The following SBNO1 variants were observed in gnomAD, a reference collection of about 807,000 sequenced individuals.
The protein encoded by SBNO1 is strawberry notch homolog 1.
In SBNO1, 23 loss-of-function variants were observed where a neutral mutation model predicts 173.6. The ratio of observed to expected loss-of-function variants is 0.13; its 90% CI spans 0.10 to 0.19. The LOEUF (loss-of-function observed/expected upper bound fraction) is 0.19, where lower values mean the gene tolerates loss of function less well. SBNO1 is among the 10% of genes least tolerant of loss of function. The pLI is 1.00. For synonymous variants in SBNO1, 632 were observed against 571.5 expected (o/e 1.11, Z -1.51); for missense variants, 1,238 against 1,671.2 (o/e 0.74, Z 4.52).
intron 20 of SBNO1, among the ~76,000 whole-genome samples, chr12:123,319,434 T>TA (rs1869701402): frequency 6.6e-6 from 1 of 152,052 alleles, no homozygotes; most frequent in African/African-American, 2.4e-5. Context: ...AAAATTTGTG[T>TA]AATAGCTCTG....
intron 1 of SBNO1, among the ~76,000 whole-genome samples, chr12:123,351,156 GTTA>G (rs1321185086): frequency 6.6e-6 from 1 of 151,916 alleles, no homozygotes; most frequent in African/African-American, 2.4e-5. Context: ...AACCTCTGGA[GTTA>G]ATTCAACAAG....
At chr12:123,359,352 C>G (rs745502114) in intron 1 of SBNO1, among the ~76,000 whole-genome samples, 22 of 151,750 alleles carry the variant, frequency 1.4e-4, no homozygotes, top group Non-Finnish European at 3.2e-4. Context: ...CGAGACCAGC[C>G]TGGCCAACAT....
intron 31 of SBNO1, among the ~76,000 whole-genome samples, chr12:123,297,416 A>AAAAAAAAAAAAAAAAAAAAAAAAAAC (rs1477864784): frequency 6.8e-6 from 1 of 147,016 alleles, no homozygotes; most frequent in Non-Finnish European, 1.5e-5. Flanking sequence ...AAAAAAAAAA[A>AAAAAAAAAAAAAAAAAAAAAAAAAAC]AAAAAATTCC....
chr12:123,305,464 T>C (rs2048889657), intron 28 of SBNO1, among the ~76,000 whole-genome samples: 1 of 152,052 alleles, frequency 6.6e-6, no homozygotes, highest in African/African-American at 2.4e-5. Context: ...GGAATTTAGG[T>C]ATGTATTTTT....
chr12:123,312,215 C>T (rs4759376), intron 24 of SBNO1, among the ~76,000 whole-genome samples: 7,228 of 152,080 alleles, frequency 0.048, 302 homozygotes, highest in East Asian at 0.25. Flanking sequence ...GCTGGGATTA[C>T]GGGCATGAGC....
intron 23 of SBNO1, among the ~76,000 whole-genome samples, chr12:123,314,154 T>G (rs564747414): frequency 1.4e-4 from 22 of 152,192 alleles, no homozygotes; most frequent in African/African-American, 5.3e-4. Context: ...TCAATTATCT[T>G]TATATGTATT....
intron 1 of SBNO1, among the ~76,000 whole-genome samples, chr12:123,353,001 T>C (rs1368563137): frequency 6.6e-6 from 1 of 152,186 alleles, no homozygotes; most frequent in Non-Finnish European, 1.5e-5. Flanking sequence ...TTTCACCGTA[T>C]TGCCCAGGCT....
chr12:123,333,785 A>G (rs1871518082), intron 7 of SBNO1, among the ~76,000 whole-genome samples: 1 of 152,180 alleles, frequency 6.6e-6, no homozygotes, highest in Admixed American at 6.6e-5. Context: ...GACATGAGCC[A>G]CTGTGCCTGG....
intron 21 of SBNO1, among the ~76,000 whole-genome samples, chr12:123,316,509 C>T (rs2138949184): frequency 6.6e-6 from 1 of 152,146 alleles, no homozygotes; most frequent in South Asian, 2.1e-4. Context: ...CAGGCGTGAG[C>T]CGCTGCGCCC....
intron 24 of SBNO1, among the ~76,000 whole-genome samples, chr12:123,312,710 C>T (rs1455995408): frequency 1.4e-5 from 2 of 138,024 alleles, no homozygotes; most frequent in African/African-American, 5.4e-5. Context: ...GACCCCGTCT[C>T]GAAAAAAAAA....
At chr12:123,328,095 A>G in intron 10 of SBNO1, 68 bp from the exon 11 acceptor site, 2 of 1,327,480 alleles carry the variant, frequency 1.5e-6, no homozygotes, top group South Asian at 2.8e-5. Context: ...TTTCAAGAAG[A>G]GTTAACTTTT....
chr12:123,364,534 C>T (rs1875884000), intron 1 of SBNO1, 167 bp downstream of exon 1: 2 of 983,448 alleles, frequency 2.0e-6, no homozygotes, highest in Admixed American at 6.2e-5. Context: ...CCCCGAGGGC[C>T]CCGGAGCGCG....
chr12:123,327,644 C>T, intron 12 of SBNO1, 63 bp downstream of exon 12: 1 of 1,590,590 alleles, frequency 6.3e-7, no homozygotes, highest in Non-Finnish European at 8.6e-7. Flanking sequence ...AGAGAATGGG[C>T]TTTAGGAATA....
chr12:123,320,148 A>G (rs1402238943), intron 19 of SBNO1, 117 bp from the exon 20 acceptor site: 1 of 1,145,962 alleles, frequency 8.7e-7, no homozygotes, highest in Non-Finnish European at 1.2e-6. Context: ...TGCACCACAC[A>G]CTGAAGGATA....
At position 123,317,356 on chromosome 12, in the gene SBNO1, T is replaced by C; in HGVS notation, c.2800A>G (p.Asn934Asp). ...EKQRFMDGDK[N>D]IAIISEAASS... Reference sequence around the variant, plus strand: ...GCAGCTTCTGAGATGATAGCAATATTCTGTGTCAAATATAAGAAAAATAAA... The same window carrying C: ...GCAGCTTCTGAGATGATAGCAATATCCTGTGTCAAATATAAGAAAAATAAA... The change falls in exon 21 of 32, where the codon AAT (asparagine) becomes GAT (aspartate). Residue 934 changes from asparagine to aspartate, a missense_variant and splice_region_variant. By Grantham distance (23) the Asn-to-Asp change is conservative. This residue lies in a region of SBNO1 where 45 missense variants were observed against 85.5 expected (regional missense o/e 0.53). Coordinates refer to ENST00000602398, the MANE Select transcript of SBNO1 (RefSeq NM_001167856.3). 2.5e-6 allele frequency: 4 copies of C among 1,613,948 alleles called. No individual in the cohort carries two copies. Among genetic ancestry groups the C allele is most frequent in the Non-Finnish European group, 3.4e-6 (4 of 1,179,940 alleles).
chr12:123,349,935 A>C (rs1179333043), intron 2 of SBNO1, among the ~76,000 whole-genome samples: 1 of 151,702 alleles, frequency 6.6e-6, no homozygotes, highest in African/African-American at 2.4e-5. Context: ...AAATTAACAC[A>C]TGTATTTAAA....
At chr12:123,330,653 C>G (rs1028634845) in intron 8 of SBNO1, 144 bp from the exon 9 acceptor site, 1 of 595,092 alleles carries the variant, frequency 1.7e-6, no homozygotes, top group East Asian at 2.9e-5. Context: ...AAACACCATC[C>G]CACTGAGTGC....
rs1287578907 is a variant in SBNO1, at chr12:123,294,883, A to C, written c.*1025T>G. On this transcript the variant is annotated 3_prime_UTR_variant, in exon 32 of 32. Coordinates refer to ENST00000602398, the MANE Select transcript of SBNO1 (RefSeq NM_001167856.3). ...AAGTTACTGAGTAACAACAATAACA[A>C]CAATAACAAAAGAACACACAGCAGA... 1 of 152,284 alleles carries C rather than the reference A, an allele frequency of 6.6e-6. No homozygotes were observed. Among genetic ancestry groups the C allele is most frequent in the Admixed American group, 6.5e-5 (1 of 15,272 alleles). 9.4% of individuals were successfully genotyped at this position (152,284 alleles called of 1,614,324 possible). A position where few individuals can be genotyped will look rare whatever the true frequency, so the allele number is the denominator to read the frequency against.
intron 3 of SBNO1, among the ~76,000 whole-genome samples, chr12:123,346,297 C>T (rs575014799): frequency 1.3e-5 from 2 of 152,326 alleles, no homozygotes; most frequent in East Asian, 3.9e-4. Flanking sequence ...TGATTGATGA[C>T]ATTTTCACTT....
Sources: allele counts gnomAD v4.1 joint callset (sites outside exome capture counted in the v4.1 genomes callset), GRCh38; gene constraint gnomAD v4.1.1; regional missense constraint gnomAD v4.1.1; transcripts MANE v1.5; gene names NCBI Gene and HGNC (gene_info 2026-07-23, HGNC 2026-07-21).